Variants in PDE9A observed in about 807,000 individuals in gnomAD.
PDE9A encodes phosphodiesterase 9A.
PDE9A carries 60 observed loss-of-function variants against 87.4 expected under a neutral mutation model. The observed-to-expected ratio is 0.69, with a 90% CI of 0.56 to 0.85. PDE9A has a LOEUF of 0.85. Ranked by LOEUF, PDE9A falls within the 40% of genes least tolerant of loss-of-function variation. The pLI is 0.00. For missense variants in PDE9A, 665 were observed against 779.0 expected (o/e 0.85, Z 1.74); for synonymous variants, 272 against 279.4 (o/e 0.97, Z 0.27).
chr21:42,664,804 C>G (rs139069801), intron 1 of PDE9A, among the ~76,000 whole-genome samples: 1 of 152,190 alleles, frequency 6.6e-6, no homozygotes, highest in Non-Finnish European at 1.5e-5. Context: ...GTCGGCCTTG[C>G]GAGAGACTCA....
chr21:42,732,269 G>T (rs1184942606), intron 6 of PDE9A, 145 bp downstream of exon 6: 1 of 722,196 alleles, frequency 1.4e-6, no homozygotes, highest in Non-Finnish European at 2.3e-6. Flanking sequence ...CACGGTGGAA[G>T]CCTTCTGTGG....
intron 15 of PDE9A, among the ~76,000 whole-genome samples, chr21:42,767,355 G>A (rs923901781): frequency 6.6e-6 from 1 of 152,144 alleles, no homozygotes; most frequent in Non-Finnish European, 1.5e-5. Flanking sequence ...GGCCGGCCAG[G>A]CACAGGCTAG....
intron 9 of PDE9A, among the ~76,000 whole-genome samples, chr21:42,752,296 G>T (rs1318307118): frequency 1.3e-5 from 2 of 151,728 alleles, no homozygotes; most frequent in Non-Finnish European, 2.9e-5. Flanking sequence ...TTTTGATACT[G>T]AGTCTCACTC....
chr21:42,726,995 A>AT (rs1225955815), intron 4 of PDE9A, among the ~76,000 whole-genome samples: 5 of 133,526 alleles, frequency 3.7e-5, no homozygotes, highest in Non-Finnish European at 7.7e-5. Flanking sequence ...GATTCCTCTC[A>AT]TTTTGTCTGT....
rs554621793 is a variant in PDE9A, at chr21:42,744,677, G to A, written c.653+817G>A. Reference sequence around the variant, plus strand: ...GGGGCCCAGTGAGCTGTGACTCGTGGGGAAAATGCCCCAGTCTCCACGATG... The same window carrying A: ...GGGGCCCAGTGAGCTGTGACTCGTGAGGAAAATGCCCCAGTCTCCACGATG... On this transcript the variant is annotated intron_variant, in intron 8 of 19. Coordinates refer to ENST00000291539, the MANE Select transcript of PDE9A (RefSeq NM_002606.3). 1.8e-3 allele frequency among the ~76,000 whole-genome samples: 273 copies of A among 152,274 alleles called. 2 individuals carry two copies. The highest frequency in any genetic ancestry group is 5.2e-3 in the African/African-American group (218 of 41,548).
At chr21:42,670,247 A>ATT (rs1569116768) in intron 1 of PDE9A, among the ~76,000 whole-genome samples, 1 of 149,714 alleles carries the variant, frequency 6.7e-6, no homozygotes, top group African/African-American at 2.5e-5. Flanking sequence ...ACACTCATAC[A>ATT]CATACATACA....
Position 42,696,331 on chromosome 21 carries a change from C to T in PDE9A, c.219-2637C>T, listed in dbSNP as rs1285676401. Among the ~76,000 whole-genome samples, 1 of 152,228 alleles carries T rather than the reference C, an allele frequency of 6.6e-6. No homozygotes were observed. The highest frequency in any genetic ancestry group is 1.5e-5 in the Non-Finnish European group (1 of 68,040). ...TCTCCCTCCAGCCCTTGCCCCACCT[C>T]CTGGAGCCCTTCTCTGCGCCTGGTC... On this transcript the variant is annotated intron_variant, in intron 3 of 19. Transcript: ENST00000291539. The surrounding 1 kb of genome is among the most constrained non-coding windows in gnomAD (Gnocchi z 5.1).
At chr21:42,684,535 TG>T (rs1303131411) in intron 1 of PDE9A, among the ~76,000 whole-genome samples, 2 of 152,048 alleles carry the variant, frequency 1.3e-5, no homozygotes, top group Admixed American at 6.5e-5. Context: ...TCCTCGGCAG[TG>T]GGGTTGGGAG....
intron 5 of PDE9A, 39 bp downstream of exon 5, chr21:42,731,988 A>G (rs2146721205): frequency 6.2e-7 from 1 of 1,611,730 alleles, no homozygotes; most frequent in Middle Eastern, 1.7e-4. Flanking sequence ...CCACCCCCCA[A>G]CACGTGGGAT....
In PDE9A at chr21:42,705,053, G is replaced by A. The variant is rs914170334; in HGVS notation, c.262+6042G>A. Reference sequence around the variant, plus strand: ...TGAGCTGCAGAGACTTCTCTGGAGCGGTGAACAGCTCCTGCCAGGAAAGAG... The same window carrying A: ...TGAGCTGCAGAGACTTCTCTGGAGCAGTGAACAGCTCCTGCCAGGAAAGAG... On this transcript the variant is annotated intron_variant, in intron 4 of 19. Coordinates refer to ENST00000291539, the MANE Select transcript of PDE9A (RefSeq NM_002606.3). This position sits in a 1 kb window ranked among gnomAD's most constrained non-coding sequence, Gnocchi z 4.3. Among the ~76,000 whole-genome samples the A allele has an allele frequency of 1.3e-5, 2 of 152,206 alleles. No homozygotes were observed. The highest frequency in any genetic ancestry group is 4.8e-5 in the African/African-American group (2 of 41,460).
At chr21:42,773,227 C>CCTCCAGCCTGGAGAACAGTGAGA (rs2057182241) in intron 19 of PDE9A, among the ~76,000 whole-genome samples, 1 of 145,518 alleles carries the variant, frequency 6.9e-6, no homozygotes, top group African/African-American at 2.6e-5. Context: ...GCGCCACTGC[C>CCTCCAGCCTGGAGAACAGTGAGA]CTCCAGCCTG....
chr21:42,761,031 A>C, intron 13 of PDE9A, 124 bp downstream of exon 13: 1 of 702,036 alleles, frequency 1.4e-6, no homozygotes, highest in Non-Finnish European at 2.6e-6. Context: ...CCCAGCCCCC[A>C]ACTCTGCCTC....
At chr21:42,735,116 A>T (rs1262161487) in intron 7 of PDE9A, among the ~76,000 whole-genome samples, 1 of 152,254 alleles carries the variant, frequency 6.6e-6, no homozygotes, top group African/African-American at 2.4e-5. Flanking sequence ...AACAGGGCTC[A>T]GAGGTTGTGC....
chr21:42,654,855 C>T (rs987677629), intron 1 of PDE9A, among the ~76,000 whole-genome samples: 4 of 152,314 alleles, frequency 2.6e-5, no homozygotes, highest in Non-Finnish European at 4.4e-5. Flanking sequence ...CAGCCCTCTC[C>T]CACCGTAGCC....
intron 4 of PDE9A, among the ~76,000 whole-genome samples, chr21:42,715,726 C>T (rs1236351213): frequency 6.6e-6 from 1 of 151,836 alleles, no homozygotes; most frequent in Non-Finnish European, 1.5e-5. Flanking sequence ...ACTCTCAGGG[C>T]TGTACATTCC....
intron 1 of PDE9A, among the ~76,000 whole-genome samples, chr21:42,662,431 G>A (rs2057574839): frequency 6.6e-6 from 1 of 151,918 alleles, no homozygotes; most frequent in Non-Finnish European, 1.5e-5. Context: ...GCAGAGGGAT[G>A]GAGGACTATG....
intron 4 of PDE9A, among the ~76,000 whole-genome samples, chr21:42,703,072 G>A (rs893401316): frequency 3.3e-5 from 5 of 152,214 alleles, no homozygotes; most frequent in Admixed American, 2.6e-4. Context: ...GATGAGGAGC[G>A]CAGGTTCCAG....
rs1034676765 is a variant in PDE9A at position 42,694,085 on chromosome 21, C to A, written c.219-4883C>A. Among the ~76,000 whole-genome samples the A allele has an allele frequency of 2.6e-5, 4 of 152,146 alleles. No homozygotes were observed. The highest frequency in any genetic ancestry group is 1.3e-4 in the Admixed American group (2 of 15,282). The stretch of plus-strand genomic sequence containing the variant: ...CCCTCTGGTGACCAGAAGCTTATGT[C>A]TACCAGACCCAGGGCCTTCCCTTGC... On this transcript the variant is annotated intron_variant, in intron 3 of 19. Coordinates refer to ENST00000291539, the MANE Select transcript of PDE9A (RefSeq NM_002606.3). This position sits in a 1 kb window ranked among gnomAD's most constrained non-coding sequence, Gnocchi z 5.3.
chr21:42,699,052 A>C, intron 4 of PDE9A, 41 bp downstream of exon 4: 2 of 1,399,926 alleles, frequency 1.4e-6, no homozygotes, highest in Non-Finnish European at 2.0e-6. Context: ...AAGAAGGAAA[A>C]AGAAATCTTG....
Sources: allele counts gnomAD v4.1 joint callset (sites outside exome capture counted in the v4.1 genomes callset), GRCh38; gene constraint gnomAD v4.1.1; non-coding constraint Gnocchi (gnomAD v3.1); transcripts MANE v1.5; gene names NCBI Gene and HGNC (gene_info 2026-07-23, HGNC 2026-07-21).